CPO: variants seen among roughly 807,000 people sequenced by gnomAD.
CPO encodes the protein metallocarboxypeptidase C.
CPO carries 43 observed loss-of-function variants against 41.2 expected under a neutral mutation model. That is an observed-to-expected ratio of 1.04 (90% confidence interval 0.82 to 1.35). CPO has a LOEUF of 1.35. Ranked by LOEUF, CPO falls within the 40% of genes most tolerant of loss-of-function variation. CPO has a pLI of 0.00. For missense variants in CPO, 408 were observed against 451.7 expected (o/e 0.90, Z 0.88); for synonymous variants, 178 against 162.7 (o/e 1.09, Z -0.72).
At chr2:206,950,637 A>G (rs1484674305) in intron 2 of CPO, among the ~76,000 whole-genome samples, 6 of 152,248 alleles carry the variant, frequency 3.9e-5, no homozygotes, top group African/African-American at 1.4e-4. Context: ...ATGTATGTTT[A>G]TTGTGGCACT....
chr2:206,949,466 T>C (rs1359598619), intron 1 of CPO, 151 bp from the exon 2 acceptor site: 2 of 557,598 alleles, frequency 3.6e-6, no homozygotes, highest in Non-Finnish European at 6.5e-6. Context: ...GGTCTCATAA[T>C]TAGTAAGTCA....
Position 206,955,341 on chromosome 2 carries a change from C to G in CPO, c.166-122C>G, listed in dbSNP as rs535163619. 5 of 710,346 alleles carry G rather than the reference C, an allele frequency of 7.0e-6. 1 individual carries two copies. The highest frequency in any genetic ancestry group is 5.2e-5 in the African/African-American group (3 of 57,856). 44.0% of individuals were successfully genotyped at this position (710,346 alleles called of 1,614,324 possible). A position where few individuals can be genotyped will look rare whatever the true frequency, so the allele number is the denominator to read the frequency against. On this transcript the variant is annotated intron_variant, in intron 2 of 8. Coordinates refer to ENST00000272852, the MANE Select transcript of CPO (RefSeq NM_173077.3). ...GTTTTCTGTTTCTTTTACCACACAG[C>G]TGTTGCAATCTAGAGCAAAGATAAC...
In CPO at chr2:206,939,634, G is replaced by C; in HGVS notation, c.35G>C (p.Gly12Ala). ...CTGCTTGAAACCCTTTATCTTTTGG[G>C]GATGCTGGTTCCTGGAGGGCTGGGA... ...KPLLETLYLL[G>A]MLVPGGLGYD... The change falls in exon 1 of 9, where the codon GGG becomes GCG. Residue 12 changes from glycine (G) to alanine (A), a missense_variant. Coordinates refer to ENST00000272852, the MANE Select transcript of CPO (RefSeq NM_173077.3). 6.2e-7 allele frequency: 1 copy of C among 1,611,324 alleles called. No homozygotes were observed. Among genetic ancestry groups the C allele is most frequent in the South Asian group, 1.1e-5 (1 of 90,998 alleles).
At chr2:206,959,547 CTTATAA>C (rs1693439919) in intron 4 of CPO, 78 bp from the exon 5 acceptor site, 2 of 708,164 alleles carry the variant, frequency 2.8e-6, no homozygotes, top group East Asian at 5.2e-5. Context: ...ACAGTCACCT[CTTATAA>C]TTAAGTTGAA....
At chr2:206,949,963 C>T (rs115062327) in intron 2 of CPO, among the ~76,000 whole-genome samples, 222 of 152,256 alleles carry the variant, frequency 1.5e-3, no homozygotes, top group African/African-American at 5.0e-3. Context: ...AACATCCCAA[C>T]GAGCCAGTTT....
intron 1 of CPO, among the ~76,000 whole-genome samples, chr2:206,941,061 T>C (rs1693021124): frequency 6.6e-6 from 1 of 152,152 alleles, no homozygotes; most frequent in South Asian, 2.1e-4. Flanking sequence ...AAAAAAATTA[T>C]GCTGCTTAAA....
chr2:206,962,686 T>G, intron 7 of CPO, 72 bp downstream of exon 7: 2 of 1,319,430 alleles, frequency 1.5e-6, no homozygotes, highest in Non-Finnish European at 2.2e-6. Context: ...TGATTTCCAT[T>G]TCCAAGATTT....
rs759296299 is a variant in CPO, at chr2:206,959,652, A to G, written c.394A>G (p.Asn132Asp). ...CCAGATTCTACAAAACCATAAAGAC[A>G]ACTCAAGTATACGCAAGCTCCTTAG... ...VKEILQNHKD[N>D]SSIRKLLRNL... Residue 132 changes from asparagine to aspartate, a missense_variant, in exon 5 of 9, where the codon AAC (asparagine) becomes GAC (aspartate). Physicochemically the swap from Asn to Asp is conservative, Grantham distance 23. Transcript: ENST00000272852. 5.4e-6 allele frequency: 8 copies of G among 1,493,716 alleles called. No homozygotes were observed. In the Admixed American group the frequency reaches 1.3e-4, roughly 25 times the overall value. The allele number at this position is 1,493,716 out of a possible 1,614,324, so 92.5% of individuals were successfully genotyped here.
Position 206,959,670 on chromosome 2 carries a change from C to G in CPO, c.412C>G (p.Leu138Val), listed in dbSNP as rs2105826790. 1 of 1,568,080 alleles carries G rather than the reference C, an allele frequency of 6.4e-7. No individual in the cohort carries two copies. The highest frequency in any genetic ancestry group is 1.1e-5 in the South Asian group (1 of 90,186). The change falls in exon 5 of 9, where the codon CTC becomes GTC. Residue 138 changes from leucine (L) to valine (V), a missense_variant. By Grantham distance (32) the Leu-to-Val change is conservative. Transcript: ENST00000272852. ...TAAAGACAACTCAAGTATACGCAAG[C>G]TCCTTAGGAACCTGGACTTCTATGT... ...NHKDNSSIRK[L>V]LRNLDFYVLP...
chr2:206,968,347 T>G lies in CPO; in HGVS notation c.862T>G (p.Tyr288Asp). The G allele has an allele frequency of 6.3e-7, 1 of 1,579,400 alleles. No homozygotes were observed. The highest frequency in any genetic ancestry group is 8.7e-7 in the Non-Finnish European group (1 of 1,148,722). ...AGTTGGATCGAGTGCAGATATTTTATGTAAGTATCTTTTTTTGCCTCTTCA... is the reference window on the plus strand; with the variant it reads ...AGTTGGATCGAGTGCAGATATTTTAGGTAAGTATCTTTTTTTGCCTCTTCA... Reference protein sequence around the residue: ...YRVGSSADILYASSGSSRDWA... With the variant: ...YRVGSSADILDASSGSSRDWA... Residue 288 changes from tyrosine to aspartate, a missense_variant and splice_region_variant, in exon 8 of 9, where the codon TAT becomes GAT. Coordinates refer to ENST00000272852, the MANE Select transcript of CPO (RefSeq NM_173077.3).
chr2:206,958,881 A>G (rs1351549509), intron 4 of CPO, among the ~76,000 whole-genome samples: 1 of 151,786 alleles, frequency 6.6e-6, no homozygotes, highest in Non-Finnish European at 1.5e-5. Flanking sequence ...AGCTGGGATT[A>G]CAGGCATGCA....
At chr2:206,946,383 A>G (rs113632052) in intron 1 of CPO, among the ~76,000 whole-genome samples, 9 of 152,284 alleles carry the variant, frequency 5.9e-5, no homozygotes, top group East Asian at 1.9e-4. Flanking sequence ...GAAACATAAC[A>G]TGATTATATA....
rs1294848402 is a variant in CPO at position 206,943,771 on chromosome 2, T to TA, written c.68+4105dup. ...ATAGATAGATAGATAGATAGATAGA[T>TA]AGATAGATGATAAGCAGATAGATGG... On this transcript the variant is annotated intron_variant, in intron 1 of 8. Coordinates refer to ENST00000272852, the MANE Select transcript of CPO (RefSeq NM_173077.3). Among the ~76,000 whole-genome samples, 292 of 141,348 alleles carry TA rather than the reference T, an allele frequency of 2.1e-3. 1 individual carries two copies. The highest frequency in any genetic ancestry group is 7.4e-3 in the African/African-American group (274 of 36,792). 92.7% of individuals were successfully genotyped at this position (141,348 alleles called of 152,430 possible). A position where few individuals can be genotyped will look rare whatever the true frequency, so the allele number is the denominator to read the frequency against.
chr2:206,968,425 G>A (rs1447846754), intron 8 of CPO, 78 bp downstream of exon 8: 11 of 822,110 alleles, frequency 1.3e-5, no homozygotes, highest in East Asian at 1.0e-4. Context: ...TGAGATAGGC[G>A]GGAGAGGAAC....
intron 1 of CPO, among the ~76,000 whole-genome samples, chr2:206,948,088 T>C (rs1425718199): frequency 1.3e-5 from 2 of 152,190 alleles, no homozygotes; most frequent in Admixed American, 1.3e-4. Context: ...TTTATCCAAA[T>C]GAATTGAAAA....
intron 1 of CPO, among the ~76,000 whole-genome samples, chr2:206,949,149 G>C (rs922765463): frequency 2.6e-5 from 4 of 151,422 alleles, no homozygotes; most frequent in African/African-American, 9.7e-5. Context: ...CAGTCAGACT[G>C]TCAGGGTTTA....
At chr2:206,958,738 T>TG (rs1302859078) in intron 4 of CPO, among the ~76,000 whole-genome samples, 9 of 141,506 alleles carry the variant, frequency 6.4e-5, no homozygotes, top group Non-Finnish European at 1.1e-4. Flanking sequence ...GTTTTTTTTT[T>TG]TTTTTTTTTT....
rs1693017492 is a variant in CPO, at chr2:206,940,919, G to A, written c.68+1252G>A. ...AGGATCTCTGTGATATCAAAAACCT[G>A]TTTGAATATTTCTTTCTCATTTTTC... is the stretch of plus-strand genomic sequence containing the variant. On this transcript the variant is annotated intron_variant, in intron 1 of 8. Coordinates refer to ENST00000272852, the MANE Select transcript of CPO (RefSeq NM_173077.3). 3.3e-5 allele frequency among the ~76,000 whole-genome samples: 5 copies of A among 151,898 alleles called. No individual in the cohort carries two copies. The South Asian group carries it at 1.0e-3, about 31-fold the overall frequency.
intron 7 of CPO, among the ~76,000 whole-genome samples, chr2:206,966,433 G>A (rs1023609349): frequency 1.3e-5 from 2 of 152,158 alleles, no homozygotes; most frequent in Non-Finnish European, 2.9e-5. Flanking sequence ...AGAAGGGAGT[G>A]TGGTTGGTAA....
Sources: gnomAD v4.1 joint callset for allele counts (sites outside exome capture counted in the v4.1 genomes callset) on GRCh38, gnomAD v4.1.1 for gene constraint, MANE v1.5 for transcripts, NCBI Gene and HGNC (gene_info 2026-07-23, HGNC 2026-07-21) for gene names.